Variants in LIN54 observed in about 807,000 individuals in gnomAD.
The protein encoded by LIN54 is protein lin-54 homolog.
A neutral mutation model predicts 78.7 loss-of-function variants in LIN54; 9 were observed. The ratio of observed to expected loss-of-function variants is 0.11; its 90% confidence interval spans 0.07 to 0.20. The LOEUF (loss-of-function observed/expected upper bound fraction) is 0.20. LIN54 is among the 10% of genes least tolerant of loss of function. LIN54 has a pLI of 1.00. For synonymous variants in LIN54, 269 were observed against 318.4 expected (o/e 0.84, Z 1.65); for missense variants, 573 against 889.9 (o/e 0.64, Z 4.53).
rs11464761 is a variant in LIN54 at position 82,956,353 on chromosome 4, T to TAA, written c.952-9881_952-9880dup. ...CAACATGGTGAAATCCCGTCTCAAC[T>TAA]AAAAAAAAAAAAAGACTGTTTTTTA... On this transcript the variant is annotated intron_variant, in intron 4 of 12. Coordinates refer to ENST00000340417, the MANE Select transcript of LIN54 (RefSeq NM_194282.4). Among the ~76,000 whole-genome samples the TAA allele has an allele frequency of 8.7e-4, 112 of 128,846 alleles. No individual in the cohort carries two copies. The East Asian group carries it at 9.7e-3, about 11-fold the overall frequency. The allele number at this position is 128,846 out of a possible 152,430, so 84.5% of individuals were successfully genotyped here.
At chr4:82,942,853 T>TGCGC (rs751802214) in intron 5 of LIN54, among the ~76,000 whole-genome samples, 9 of 71,452 alleles carry the variant, frequency 1.3e-4, no homozygotes, top group East Asian at 8.1e-4. Flanking sequence ...TGTGTGCGTG[T>TGCGC]GCGCGCGCAC....
At chr4:83,010,430 C>CCAAA in intron 1 of LIN54, 54 bp downstream of exon 1, 2 of 576,996 alleles carry the variant, frequency 3.5e-6, no homozygotes, top group Non-Finnish European at 4.5e-6. Flanking sequence ...CCCATCCCCC[C>CCAAA]AAATAAAGAG....
At position 82,994,967 on chromosome 4, in the gene LIN54, G is replaced by C. The variant is rs543335166; in HGVS notation, c.-32-10091C>G. 6.6e-5 allele frequency among the ~76,000 whole-genome samples: 10 copies of C among 152,070 alleles called. No individual in the cohort carries two copies. In the South Asian group the frequency reaches 2.1e-3, roughly 32 times the overall value. ...ATTATAGGAGTGGGACTCTCCCTTT[G>C]AACTAGGAGCAAAGTCCAAACTTCT... On this transcript the variant is annotated intron_variant, in intron 1 of 12. Coordinates refer to ENST00000340417, the MANE Select transcript of LIN54 (RefSeq NM_194282.4).
At chr4:83,011,811 T>TA (rs70943185), upstream of LIN54, among the ~76,000 whole-genome samples, 3,713 of 135,694 alleles carry the variant, frequency 0.027, 67 homozygotes, top group African/African-American at 0.049. Context: ...AGATCAGCAT[T>TA]AAAAAAAAAA....
In LIN54 at chr4:82,978,883, C is replaced by T; in HGVS notation, c.808G>A (p.Gly270Ser). ...TTQVSPPVIA[G>S]RVLSQSTPGT... ...TTAATAAACTATAAAGAAATATAACCTGCAATAACTGGTGGTGAAACTTGA... is the reference window on the plus strand; with the variant it reads ...TTAATAAACTATAAAGAAATATAACTTGCAATAACTGGTGGTGAAACTTGA... The change falls in exon 3 of 13, where the codon GGT becomes AGT. Residue 270 changes from glycine to serine, a missense_variant and splice_region_variant. Physicochemically the swap from Gly to Ser is moderately conservative, Grantham distance 56. Transcript: ENST00000340417. 6.6e-7 allele frequency: 1 copy of T among 1,525,274 alleles called. No homozygotes were observed. The highest frequency in any genetic ancestry group is 9.0e-7 in the Non-Finnish European group (1 of 1,109,700). 94.5% of individuals were successfully genotyped at this position (1,525,274 alleles called of 1,614,324 possible). A position where few individuals can be genotyped will look rare whatever the true frequency, so the allele number is the denominator to read the frequency against.
At chr4:83,005,098 G>C (rs1729232805) in intron 1 of LIN54, among the ~76,000 whole-genome samples, 1 of 151,936 alleles carries the variant, frequency 6.6e-6, no homozygotes, top group Admixed American at 6.6e-5. Context: ...GTTTTGCCAT[G>C]TTGGGCAGGC....
intron 1 of LIN54, among the ~76,000 whole-genome samples, chr4:83,008,486 T>C (rs1028764336): frequency 6.6e-6 from 1 of 152,052 alleles, no homozygotes; most frequent in African/African-American, 2.4e-5. Context: ...CCGTCTCTAC[T>C]AAAAATACAA....
chr4:82,956,052 C>T (rs1724299572), intron 4 of LIN54, among the ~76,000 whole-genome samples: 1 of 152,158 alleles, frequency 6.6e-6, no homozygotes, highest in African/African-American at 2.4e-5. Context: ...ACCTCCACCT[C>T]CTGGGTTCAA....
At chr4:83,003,853 G>A (rs1203388554) in intron 1 of LIN54, among the ~76,000 whole-genome samples, 2 of 152,090 alleles carry the variant, frequency 1.3e-5, no homozygotes, top group East Asian at 3.8e-4. Flanking sequence ...AGAAAGGTTT[G>A]TATTTTCATT....
At chr4:83,003,074 C>T (rs1729005787) in intron 1 of LIN54, among the ~76,000 whole-genome samples, 1 of 152,054 alleles carries the variant, frequency 6.6e-6, no homozygotes, top group South Asian at 2.1e-4. Flanking sequence ...AGTGCAGTGG[C>T]GTGATCTCCA....
chr4:82,931,464 A>T (rs1721948662), intron 11 of LIN54, among the ~76,000 whole-genome samples: 2 of 152,212 alleles, frequency 1.3e-5, no homozygotes, highest in Admixed American at 6.5e-5. Flanking sequence ...AATATCAAAA[A>T]TAAAGGTCAT....
chr4:82,928,240 C>T lies in LIN54; in HGVS notation c.2112G>A (p.Gln704=). 6.2e-7 allele frequency: 1 copy of T among 1,614,224 alleles called. No homozygotes were observed. Among genetic ancestry groups the T allele is most frequent in the Non-Finnish European group, 8.5e-7 (1 of 1,180,042 alleles). The change falls in exon 13 of 13, where the codon CAG becomes CAA. Residue 704 remains glutamine, a synonymous_variant. Transcript: ENST00000340417. The part of the protein sequence containing the change: ...AEATCNCLLA[Q]AEQADKKGKS... Reference sequence around the variant, plus strand: ...TTCCCTTCTTGTCTGCCTGCTCTGCCTGGGCAAGGAGGCAATTACATGTGG... The same window carrying T: ...TTCCCTTCTTGTCTGCCTGCTCTGCTTGGGCAAGGAGGCAATTACATGTGG...
chr4:82,928,812 T>C (rs544244049), intron 12 of LIN54, among the ~76,000 whole-genome samples: 1 of 152,230 alleles, frequency 6.6e-6, no homozygotes, highest in Non-Finnish European at 1.5e-5. Context: ...TGATACTGTT[T>C]GTAGAAAACA....
chr4:82,959,641 TACA>T (rs1400017961), intron 4 of LIN54, among the ~76,000 whole-genome samples: 2 of 152,318 alleles, frequency 1.3e-5, no homozygotes, highest in Non-Finnish European at 2.9e-5. Context: ...ACAAATATAC[TACA>T]ACATTAAAAA....
At chr4:82,948,513 T>G (rs1723590032) in intron 4 of LIN54, among the ~76,000 whole-genome samples, 1 of 152,228 alleles carries the variant, frequency 6.6e-6, no homozygotes, top group Admixed American at 6.5e-5. Context: ...CAAATCAATA[T>G]ATCCATCATC....
At chr4:82,947,223 A>ATTTTTTTTTTT (rs1339545376) in intron 4 of LIN54, among the ~76,000 whole-genome samples, 2 of 17,516 alleles carry the variant, frequency 1.1e-4, no homozygotes, top group African/African-American at 3.5e-4. Context: ...ATATATATAT[A>ATTTTTTTTTTT]TATATATATA....
intron 11 of LIN54, among the ~76,000 whole-genome samples, chr4:82,934,420 A>C (rs1447332465): frequency 6.6e-6 from 1 of 152,062 alleles, no homozygotes; most frequent in Non-Finnish European, 1.5e-5. Context: ...ACAAAATAAC[A>C]ACAACAACAA....
chr4:83,000,062 T>C (rs1166241950), intron 1 of LIN54, among the ~76,000 whole-genome samples: 1 of 151,902 alleles, frequency 6.6e-6, no homozygotes, highest in Non-Finnish European at 1.5e-5. Flanking sequence ...CTGGCTAAAT[T>C]TTTTAAATTT....
intron 1 of LIN54, among the ~76,000 whole-genome samples, chr4:83,008,263 G>A (rs991254764): frequency 3.3e-5 from 5 of 152,160 alleles, no homozygotes; most frequent in African/African-American, 1.2e-4. Flanking sequence ...TAAATTGAAA[G>A]TTCCCTGAAG....
Sources: allele counts gnomAD v4.1 joint callset (sites outside exome capture counted in the v4.1 genomes callset), GRCh38; gene constraint gnomAD v4.1.1; transcripts MANE v1.5; gene names NCBI Gene and HGNC (gene_info 2026-07-23, HGNC 2026-07-21).